GOLGA4: variants seen among roughly 807,000 people sequenced by gnomAD.
The protein encoded by GOLGA4 is golgin subfamily A member 4.
GOLGA4 carries 169 observed loss-of-function variants against 265.9 expected under a neutral mutation model. The ratio of observed to expected loss-of-function variants is 0.64; its 90% CI spans 0.56 to 0.72. The LOEUF (loss-of-function observed/expected upper bound fraction) is 0.72, where lower values mean the gene tolerates loss of function less well. Among genes scored for constraint, GOLGA4 ranks in the 30% least tolerant of loss-of-function variants. GOLGA4 has a pLI of 0.00. For missense variants in GOLGA4, 2,482 were observed against 2,483.4 expected (o/e 1.00, Z 0.01); for synonymous variants, 923 against 855.8 (o/e 1.08, Z -1.37).
chr3:37,292,060 A>C (rs116174102), intron 5 of GOLGA4, among the ~76,000 whole-genome samples: 2,065 of 152,292 alleles, frequency 0.014, 16 homozygotes, highest in Non-Finnish European at 0.022. Context: ...AGAAGGGTAC[A>C]TGATTAAAAG....
intron 17 of GOLGA4, 41 bp from the exon 18 acceptor site, chr3:37,337,102 A>G (rs749966186): frequency 4.9e-6 from 6 of 1,219,446 alleles, no homozygotes; most frequent in Non-Finnish European, 3.6e-6. Context: ...TCTTATAGCT[A>G]TTATTGTATA....
chr3:37,318,916 A>T, intron 11 of GOLGA4, 147 bp from the exon 12 acceptor site: 1 of 549,656 alleles, frequency 1.8e-6, no homozygotes, highest in Non-Finnish European at 3.2e-6. Context: ...ACTTTGATCT[A>T]TGCAGGAAAT....
intron 16 of GOLGA4, among the ~76,000 whole-genome samples, chr3:37,330,972 A>T (rs2096988178): frequency 6.7e-6 from 1 of 150,336 alleles, no homozygotes; most frequent in African/African-American, 2.5e-5. Context: ...TGGAAGTTGC[A>T]GTGAGCCGAG....
intron 2 of GOLGA4, among the ~76,000 whole-genome samples, chr3:37,265,498 T>C (rs572039735): frequency 2.0e-5 from 3 of 152,348 alleles, no homozygotes; most frequent in African/African-American, 7.2e-5. Context: ...TCAGTATTTA[T>C]AAATGTTATT....
intron 5 of GOLGA4, among the ~76,000 whole-genome samples, chr3:37,291,940 A>G (rs768353569): frequency 5.3e-5 from 8 of 151,990 alleles, no homozygotes; most frequent in African/African-American, 1.5e-4. Context: ...GCAACAAATT[A>G]CCACCAACTT....
intron 5 of GOLGA4, among the ~76,000 whole-genome samples, chr3:37,294,120 C>T (rs1237119970): frequency 6.6e-6 from 1 of 152,098 alleles, no homozygotes; most frequent in East Asian, 1.9e-4. Flanking sequence ...GCTGGTTTTG[C>T]AGAGAGACAA....
Position 37,244,155 on chromosome 3 carries a change from A to T in GOLGA4, c.72+533A>T, listed in dbSNP as rs146590497. On this transcript the variant is annotated intron_variant, in intron 1 of 23. Transcript: ENST00000361924. ...CCAGGGATTGAAGGCTGGGGAGTAG[A>T]GCCATCCTGGGTCAGGCTGCTGGTA... 610 of 152,886 alleles carry T rather than the reference A, an allele frequency of 4.0e-3. 2 individuals are homozygous for T. The highest frequency in any genetic ancestry group is 6.3e-3 in the Non-Finnish European group (427 of 68,302). 9.5% of individuals were successfully genotyped at this position (152,886 alleles called of 1,614,324 possible). A position where few individuals can be genotyped will look rare whatever the true frequency, so the allele number is the denominator to read the frequency against.
At chr3:37,320,787 G>A (rs1036914862) in intron 12 of GOLGA4, among the ~76,000 whole-genome samples, 1 of 152,080 alleles carries the variant, frequency 6.6e-6, no homozygotes, top group South Asian at 2.1e-4. Context: ...ACATGCGTGG[G>A]TACCTGTGCC....
intron 15 of GOLGA4, 135 bp from the exon 16 acceptor site, chr3:37,328,828 A>G: frequency 1.3e-6 from 1 of 772,404 alleles, no homozygotes; most frequent in Non-Finnish European, 2.0e-6. Flanking sequence ...ATGTCTCATT[A>G]AACATCTTAA....
In GOLGA4 at chr3:37,344,274, G is replaced by A. The variant is rs562374112; in HGVS notation, c.6473-2919G>A. The stretch of plus-strand genomic sequence containing the variant: ...ACACCATCACACCTGGCTAATTTTT[G>A]TATTTTTAGTAGAGATGGGGTTTCG... On this transcript the variant is annotated intron_variant, in intron 20 of 23. Coordinates refer to ENST00000361924, the MANE Select transcript of GOLGA4 (RefSeq NM_002078.5). Among the ~76,000 whole-genome samples, 9 of 152,218 alleles carry A rather than the reference G, an allele frequency of 5.9e-5. No individual in the cohort carries two copies. In the South Asian group the frequency reaches 1.9e-3, roughly 32 times the overall value.
At chr3:37,334,166 A>G (rs1030093279) in intron 16 of GOLGA4, among the ~76,000 whole-genome samples, 2 of 152,204 alleles carry the variant, frequency 1.3e-5, no homozygotes, top group African/African-American at 4.8e-5. Context: ...GACCAAGACA[A>G]ATGAGGGAAT....
intron 11 of GOLGA4, among the ~76,000 whole-genome samples, chr3:37,318,141 T>A (rs1374816089): frequency 6.6e-6 from 1 of 152,164 alleles, no homozygotes; most frequent in Non-Finnish European, 1.5e-5. Context: ...AACTTAAATT[T>A]TTCCCAGATG....
intron 2 of GOLGA4, among the ~76,000 whole-genome samples, chr3:37,263,292 C>T (rs531203700): frequency 3.7e-4 from 57 of 152,240 alleles, no homozygotes; most frequent in African/African-American, 1.2e-3. Context: ...TATGCTTGTC[C>T]AACCCAGCTT....
chr3:37,314,567 C>T (rs761201684), intron 10 of GOLGA4, among the ~76,000 whole-genome samples: 4 of 151,212 alleles, frequency 2.6e-5, no homozygotes, highest in African/African-American at 7.3e-5. Context: ...CTTGAACCCG[C>T]GAGGCAGAGG....
At chr3:37,268,138 G>A (rs1297215114) in intron 2 of GOLGA4, among the ~76,000 whole-genome samples, 1 of 152,124 alleles carries the variant, frequency 6.6e-6, no homozygotes, top group Admixed American at 6.5e-5. Context: ...CTGGAATGCA[G>A]TGGTACAATC....
intron 1 of GOLGA4, among the ~76,000 whole-genome samples, chr3:37,247,982 C>T (rs893408178): frequency 6.6e-5 from 10 of 152,184 alleles, no homozygotes; most frequent in African/African-American, 2.2e-4. Context: ...TTGATGAACT[C>T]ATGGTCAACT....
At chr3:37,310,055 G>A (rs1216467440) in intron 10 of GOLGA4, among the ~76,000 whole-genome samples, 2 of 152,086 alleles carry the variant, frequency 1.3e-5, no homozygotes, top group Non-Finnish European at 2.9e-5. Flanking sequence ...GTTTTTGCTG[G>A]GATAAAGACA....
intron 17 of GOLGA4, among the ~76,000 whole-genome samples, chr3:37,336,652 T>C (rs1189930090): frequency 6.6e-6 from 1 of 150,382 alleles, no homozygotes; most frequent in East Asian, 1.9e-4. Flanking sequence ...ATGCCTGTGG[T>C]CCCAGCTACT....
Position 37,325,335 on chromosome 3 carries a change from A to C in GOLGA4, c.3449A>C (p.Asn1150Thr). The C allele has an allele frequency of 6.2e-7, 1 of 1,612,914 alleles. No homozygotes were observed. The highest frequency in any genetic ancestry group is 8.5e-7 in the Non-Finnish European group (1 of 1,178,966). ...GACTTGAATAAGTCTCTGAAGGAAAATACTTTTCTTCAAGAGCAGCTAGTT... is the reference window on the plus strand; with the variant it reads ...GACTTGAATAAGTCTCTGAAGGAAACTACTTTTCTTCAAGAGCAGCTAGTT... ...EVDLNKSLKE[N>T]TFLQEQLVEL... is the part of the protein sequence containing the mutation. The change falls in exon 14 of 24, where the codon AAT becomes ACT. Residue 1150 changes from asparagine (N) to threonine (T), a missense_variant. Transcript: ENST00000361924.
Sources: allele counts gnomAD v4.1 joint callset (sites outside exome capture counted in the v4.1 genomes callset), GRCh38; gene constraint gnomAD v4.1.1; transcripts MANE v1.5; gene names NCBI Gene and HGNC (gene_info 2026-07-23, HGNC 2026-07-21).